The following COL24A1 variants were observed in gnomAD, a reference collection of about 807,000 sequenced individuals.
The protein encoded by COL24A1 is collagen alpha-1(XXIV) chain.
Under a neutral mutation model 253.9 loss-of-function variants are expected in COL24A1, and 224 were observed. That is an observed-to-expected ratio of 0.88 (90% CI 0.79 to 0.99). The LOEUF is 0.99. Ranked by LOEUF, COL24A1 falls within the 50% of genes least tolerant of loss-of-function variation. The probability of loss-of-function intolerance (pLI) is 0.00; values close to 1 mark genes in which losing one functional copy is unlikely to be tolerated. For synonymous variants in COL24A1, 685 were observed against 673.7 expected (o/e 1.02, Z -0.26); for missense variants, 2,131 against 2,068.5 (o/e 1.03, Z -0.59).
At chr1:85,834,129 T>TA (rs897324611) in intron 43 of COL24A1, among the ~76,000 whole-genome samples, 127 of 150,180 alleles carry the variant, frequency 8.5e-4, no homozygotes, top group African/African-American at 3.0e-3. Context: ...TAATAAAATT[T>TA]AAAAAAAAAG....
intron 22 of COL24A1, among the ~76,000 whole-genome samples, chr1:85,966,418 T>C (rs1248366447): frequency 6.6e-6 from 1 of 152,118 alleles, no homozygotes; most frequent in Non-Finnish European, 1.5e-5. Context: ...AGTAGAAAGA[T>C]CTGACAGGAA....
intron 47 of COL24A1, among the ~76,000 whole-genome samples, chr1:85,810,298 A>AG (rs1377476016): frequency 6.6e-6 from 1 of 152,104 alleles, no homozygotes; most frequent in Admixed American, 6.5e-5. Flanking sequence ...ATGGTTTAAG[A>AG]GGGGAGGGGA....
intron 48 of COL24A1, among the ~76,000 whole-genome samples, chr1:85,785,404 G>T (rs1669576244): frequency 1.3e-5 from 2 of 152,154 alleles, no homozygotes; most frequent in Admixed American, 6.6e-5. Context: ...GAAAAACGAT[G>T]CTTGGTAGAC....
intron 24 of COL24A1, among the ~76,000 whole-genome samples, chr1:85,938,355 G>A (rs963544404): frequency 2.0e-5 from 3 of 146,690 alleles, no homozygotes; most frequent in African/African-American, 7.5e-5. Context: ...GTGACACAGT[G>A]AGAGTCTCAC....
At chr1:85,936,220 A>G (rs1322542741) in intron 24 of COL24A1, among the ~76,000 whole-genome samples, 2 of 147,376 alleles carry the variant, frequency 1.4e-5, no homozygotes, top group African/African-American at 5.0e-5. Context: ...AGGTCCCTGA[A>G]GATTTTGAAC....
intron 37 of COL24A1, among the ~76,000 whole-genome samples, chr1:85,850,695 A>G (rs1677659086): frequency 6.6e-6 from 1 of 152,132 alleles, no homozygotes; most frequent in South Asian, 2.1e-4. Context: ...CTACCTATAC[A>G]GCCGTAGGTA....
intron 32 of COL24A1, among the ~76,000 whole-genome samples, chr1:85,879,246 GGTGTGTGTGTGTGTGT>G (rs5775875): frequency 1.0e-4 from 15 of 147,116 alleles, no homozygotes; most frequent in Non-Finnish European, 1.8e-4. Context: ...TCATTTTGAG[GGTGTGTGTGTGTGTGT>G]GTGTGTGTGT....
At chr1:85,844,315 T>A (rs905323345) in intron 39 of COL24A1, among the ~76,000 whole-genome samples, 2 of 152,072 alleles carry the variant, frequency 1.3e-5, no homozygotes, top group Admixed American at 1.3e-4. Context: ...TTAAGATAAC[T>A]CTTGTTCAGG....
chr1:85,778,023 C>CTA (rs1553173096), intron 52 of COL24A1, among the ~76,000 whole-genome samples: 20 of 149,246 alleles, frequency 1.3e-4, no homozygotes, highest in South Asian at 6.4e-4. Flanking sequence ...ATGTCTCTAT[C>CTA]TCTATCTATC....
intron 47 of COL24A1, among the ~76,000 whole-genome samples, chr1:85,809,054 A>G (rs1672267962): frequency 6.6e-6 from 1 of 152,176 alleles, no homozygotes; most frequent in South Asian, 2.1e-4. Flanking sequence ...TCAGTCAGAA[A>G]GGTATCTCAA....
At chr1:85,876,505 G>A (rs139454686) in intron 33 of COL24A1, among the ~76,000 whole-genome samples, 228 of 152,254 alleles carry the variant, frequency 1.5e-3, no homozygotes, top group African/African-American at 5.0e-3. Context: ...TGGATCTGAG[G>A]AGAGAGGTAT....
At chr1:85,878,972 G>T (rs1268398908) in intron 32 of COL24A1, among the ~76,000 whole-genome samples, 1 of 150,898 alleles carries the variant, frequency 6.6e-6, no homozygotes, top group East Asian at 1.9e-4. Context: ...TCTATATTTT[G>T]GATACAAGTC....
intron 10 of COL24A1, among the ~76,000 whole-genome samples, chr1:86,051,178 A>G (rs571591915): frequency 6.6e-6 from 1 of 152,296 alleles, no homozygotes; most frequent in African/African-American, 2.4e-5. Flanking sequence ...CACTGGTTCA[A>G]CAAACATTAT....
At chr1:85,834,428 A>C (rs751584855) in intron 43 of COL24A1, among the ~76,000 whole-genome samples, 1 of 152,136 alleles carries the variant, frequency 6.6e-6, no homozygotes, top group Non-Finnish European at 1.5e-5. Context: ...TAACAAGAGG[A>C]AGATCAGATT....
Position 85,914,536 on chromosome 1 carries a change from G to A in COL24A1, c.2563-3103C>T, listed in dbSNP as rs561750630. ...CTCCTGAATGGCTGGGATTACAGGC[G>A]TGCACCACCATGCCTGATTAAATTT... On this transcript the variant is annotated intron_variant, in intron 24 of 59. Transcript: ENST00000370571. 9.2e-5 allele frequency among the ~76,000 whole-genome samples: 14 copies of A among 151,910 alleles called. No homozygotes were observed. The South Asian group carries it at 1.0e-3, about 11-fold the overall frequency.
At chr1:85,971,197 A>AT (rs1293880820) in intron 21 of COL24A1, 143 bp downstream of exon 21, 1 of 700,750 alleles carries the variant, frequency 1.4e-6, no homozygotes, top group African/African-American at 1.8e-5. Context: ...CAAGAGACCA[A>AT]GACTCTGTCT....
intron 3 of COL24A1, among the ~76,000 whole-genome samples, chr1:86,119,614 G>A (rs1446081210): frequency 6.6e-6 from 1 of 152,050 alleles, no homozygotes; most frequent in Non-Finnish European, 1.5e-5. Flanking sequence ...CATGCCTCTG[G>A]GTAGAAGACA....
chr1:85,816,901 T>C lies in COL24A1; in HGVS notation c.3844-6A>G, dbSNP rs760631781. 7 of 1,596,864 alleles carry C rather than the reference T, an allele frequency of 4.4e-6. No individual in the cohort carries two copies. The African/African-American group carries it at 5.4e-5, about 12-fold the overall frequency. Reference sequence around the variant, plus strand: ...CCAAGTAGGCCTTGAAGTCCCTTGATAATTAAAAATTATTTGGATTGTAGA... The same window carrying C: ...CCAAGTAGGCCTTGAAGTCCCTTGACAATTAAAAATTATTTGGATTGTAGA... On this transcript the variant is annotated splice_region_variant and splice_polypyrimidine_tract_variant and intron_variant, in intron 46 of 59. Transcript: ENST00000370571.
chr1:86,143,548 A>G (rs11806099), intron 2 of COL24A1, among the ~76,000 whole-genome samples: 7,046 of 152,198 alleles, frequency 0.046, 557 homozygotes, highest in African/African-American at 0.16. Context: ...GGATAAAACT[A>G]TATTGAGAGA....
Sources: allele counts gnomAD v4.1 joint callset (sites outside exome capture counted in the v4.1 genomes callset), GRCh38; gene constraint gnomAD v4.1.1; transcripts MANE v1.5; gene names NCBI Gene and HGNC (gene_info 2026-07-23, HGNC 2026-07-21).